ENTR1: variants seen among roughly 807,000 people sequenced by gnomAD.
ENTR1 encodes the protein endosome associated trafficking regulator 1.
Under a neutral mutation model 47.9 loss-of-function variants are expected in ENTR1, and 47 were observed. That is an observed-to-expected ratio of 0.98 (90% CI 0.78 to 1.25). The LOEUF (loss-of-function observed/expected upper bound fraction) is 1.25. Among genes scored for constraint, ENTR1 ranks in the 50% most tolerant of loss-of-function variants. The probability of loss-of-function intolerance (pLI) is 0.00; values close to 1 mark genes in which losing one functional copy is unlikely to be tolerated. For synonymous variants in ENTR1, 290 were observed against 245.8 expected, an observed-to-expected ratio of 1.18 and a Z score of -1.68; for missense variants, 668 against 570.5, an observed-to-expected ratio of 1.17 and a Z score of -1.74.
Position 136,402,878 on chromosome 9 carries a change from A to C in ENTR1, c.1218T>G (p.Val406=). The part of the protein sequence containing the change: ...NSAQASIKQL[V]SGAETLNLVA... ...CAAGATTCAGTGTCTCAGCTCCGGAAACCAGTTGCCTGAAAACAAGCATGG... is the reference window on the plus strand; with the variant it reads ...CAAGATTCAGTGTCTCAGCTCCGGACACCAGTTGCCTGAAAACAAGCATGG... The change falls in exon 10 of 10, where the codon GTT becomes GTG. Residue 406 remains valine (V), a synonymous_variant. Transcript: ENST00000357365. 1.2e-6 allele frequency: 2 copies of C among 1,612,056 alleles called. No individual in the cohort carries two copies. The highest frequency in any genetic ancestry group is 1.7e-6 in the Non-Finnish European group (2 of 1,179,624).
chr9:136,409,011 TC>T lies in ENTR1; in HGVS notation c.276del (p.Thr93HisfsTer23), dbSNP rs1834930100. 6.2e-7 allele frequency: 1 copy of T among 1,613,878 alleles called. No individual in the cohort carries two copies. The highest frequency in any genetic ancestry group is 2.2e-5 in the East Asian group (1 of 44,884). ...TGAACTACTCTACCTCCAAAATGTG[TC>T]CCGTGGGCTCCTGACGGGCTCTGCT... ...CSKQSPSGAH[G>X]THFGDDRFED... On this transcript the variant is annotated frameshift_variant, in exon 3 of 10. Coordinates refer to ENST00000357365, the MANE Select transcript of ENTR1 (RefSeq NM_001039707.2). LOFTEE classifies it high-confidence loss of function.
chr9:136,406,076 G>C, intron 5 of ENTR1, 98 bp from the exon 6 acceptor site: 1 of 804,522 alleles, frequency 1.2e-6, no homozygotes, highest in Non-Finnish European at 2.0e-6. Context: ...GATAAGCAGA[G>C]ATGCTGGGTC....
chr9:136,410,030 G>A, intron 2 of ENTR1, 60 bp downstream of exon 2: 6 of 1,588,826 alleles, frequency 3.8e-6, no homozygotes, highest in African/African-American at 1.3e-5. Context: ...CTGCAGCGGA[G>A]GTGCCACACG....
rs1001140211 is a variant in ENTR1, at chr9:136,405,464, G to A, written c.894-262C>T. 44 of 453,664 alleles carry A rather than the reference G, an allele frequency of 9.7e-5. No individual in the cohort carries two copies. In the East Asian group the frequency reaches 1.1e-3, roughly 11 times the overall value. The allele number at this position is 453,664 out of a possible 1,614,324, so 28.1% of individuals were successfully genotyped here. On this transcript the variant is annotated intron_variant, in intron 6 of 9. Coordinates refer to ENST00000357365, the MANE Select transcript of ENTR1 (RefSeq NM_001039707.2). ...AGTTTAAAATAAACCTTGGCCAGGC[G>A]CCGTGGCTCATGCCTATAATCCCAA... is the stretch of plus-strand genomic sequence containing the variant.
Position 136,408,435 on chromosome 9 carries a change from A to G in ENTR1, c.290-497T>C, listed in dbSNP as rs563424248. ...CTACTAAAAATACAAAAAATTAGCC[A>G]GGCGTGGTGGTGAGCGCCTGTAGTC... On this transcript the variant is annotated intron_variant, in intron 3 of 9. Coordinates refer to ENST00000357365, the MANE Select transcript of ENTR1 (RefSeq NM_001039707.2). Among the ~76,000 whole-genome samples, 174 of 152,070 alleles carry G rather than the reference A, an allele frequency of 1.1e-3. 3 individuals are homozygous for G. Among genetic ancestry groups the G allele is most frequent in the Middle Eastern group, 6.8e-3 (2 of 294 alleles).
chr9:136,404,162 T>C lies in ENTR1; in HGVS notation c.1101A>G (p.Glu367=), dbSNP rs754148167. The C allele has an allele frequency of 5.0e-6, 8 of 1,611,868 alleles. No individual in the cohort carries two copies. The highest frequency in any genetic ancestry group is 5.9e-6 in the Non-Finnish European group (7 of 1,179,198). The change falls in exon 9 of 10, where the codon GAA becomes GAG. Residue 367 remains glutamate, a synonymous_variant. Transcript: ENST00000357365. ...AQVSNFQREN[E]ALRCGQGASL... ...TGGCACCCTGGCCGCACCGCAGGGCTTCATTCTCTCGCTGGAAGTTGGAGA... is the reference window on the plus strand; with the variant it reads ...TGGCACCCTGGCCGCACCGCAGGGCCTCATTCTCTCGCTGGAAGTTGGAGA...
rs36076555 is a variant in ENTR1 at position 136,407,563 on chromosome 9, TAAAAAAAA to T, written c.403-10_403-3del. On this transcript the variant is annotated splice_polypyrimidine_tract_variant and splice_region_variant and intron_variant, in intron 4 of 9. Transcript: ENST00000357365. Reference sequence around the variant, plus strand: ...TCCCAGGGAATGCCTCGAGGCTTCCTAAAAAAAAAAAAAAAAAAAAAACAATGGAGGCC... The same window carrying T: ...TCCCAGGGAATGCCTCGAGGCTTCCTAAAAAAAAAAAAAACAATGGAGGCC... 3 of 1,319,388 alleles carry T rather than the reference TAAAAAAAA, an allele frequency of 2.3e-6. No homozygotes were observed. Among genetic ancestry groups the T allele is most frequent in the Non-Finnish European group, 2.0e-6 (2 of 1,024,106 alleles). The allele number at this position is 1,319,388 out of a possible 1,614,324, so 81.7% of individuals were successfully genotyped here. A position where few individuals can be genotyped will look rare whatever the true frequency, so the allele number is the denominator to read the frequency against.
Position 136,408,992 on chromosome 9 carries a change from A to T in ENTR1, c.289+7T>A. ...GACAAGAAGAAAAGGTTGCTGAACT[A>T]CTCTACCTCCAAAATGTGTCCCGTG... On this transcript the variant is annotated splice_region_variant and intron_variant, in intron 3 of 9. Coordinates refer to ENST00000357365, the MANE Select transcript of ENTR1 (RefSeq NM_001039707.2). The T allele has an allele frequency of 6.2e-7, 1 of 1,612,576 alleles. No homozygotes were observed. The highest frequency in any genetic ancestry group is 8.5e-7 in the Non-Finnish European group (1 of 1,179,182).
rs367975305 is a variant in ENTR1 at position 136,402,783 on chromosome 9, G to A, written c.*5C>T. The A allele has an allele frequency of 1.9e-6, 3 of 1,599,718 alleles. No homozygotes were observed. The highest frequency in any genetic ancestry group is 2.2e-5 in the East Asian group (1 of 44,796). On this transcript the variant is annotated 3_prime_UTR_variant, in exon 10 of 10. Transcript: ENST00000357365. ...GAGCTTCATGCTGAGAACACCCAGG[G>A]GTCCTCAAGAGTCTTCCTCCTCGTC...
intron 3 of ENTR1, 88 bp from the exon 4 acceptor site, chr9:136,408,026 GC>G: frequency 1.2e-6 from 1 of 838,836 alleles, no homozygotes; most frequent in Non-Finnish European, 2.0e-6. Context: ...CCAGAGCATG[GC>G]CACATGTGAG....
Position 136,404,112 on chromosome 9 carries a change from G to C in ENTR1, c.1151C>G (p.Ala384Gly). The C allele has an allele frequency of 1.2e-6, 2 of 1,613,400 alleles. No individual in the cohort carries two copies. Among genetic ancestry groups the C allele is most frequent in the Non-Finnish European group, 1.7e-6 (2 of 1,179,830 alleles). Residue 384 changes from alanine to glycine, a missense_variant, in exon 9 of 10, where the codon GCC (alanine) becomes GGC (glycine). Physicochemically the swap from Ala to Gly is moderately conservative, Grantham distance 60 (BLOSUM62 0). Transcript: ENST00000357365. Reference protein sequence around the residue: ...GASLTVVKQNADVALQNLRVV... With the variant: ...GASLTVVKQNGDVALQNLRVV... ...CCGGAGGTTCTGCAGGGCCACGTCG[G>C]CGTTCTGCTTCACCACGGTCAGGCT...
chr9:136,410,020 C>T (rs767104473), intron 2 of ENTR1, 70 bp downstream of exon 2: 1 of 1,561,374 alleles, frequency 6.4e-7, no homozygotes, highest in Non-Finnish European at 8.8e-7. Flanking sequence ...CGAGCTCGTG[C>T]TGCAGCGGAG....
At position 136,404,301 on chromosome 9, in the gene ENTR1, T is replaced by G. The variant is rs892329413; in HGVS notation, c.1069-107A>C. On this transcript the variant is annotated intron_variant, in intron 8 of 9. Coordinates refer to ENST00000357365, the MANE Select transcript of ENTR1 (RefSeq NM_001039707.2). ...ACCCGTGGGGGCCTGGCACTCAAGA[T>G]GCATGCTCTGGCCTAACTGGGGGCT... The G allele has an allele frequency of 5.5e-6, 8 of 1,455,526 alleles. No individual in the cohort carries two copies. The African/African-American group carries it at 1.1e-4, about 21-fold the overall frequency. The allele number at this position is 1,455,526 out of a possible 1,614,324, so 90.2% of individuals were successfully genotyped here.
rs557118308 is a variant in ENTR1, at chr9:136,410,568, C to G, written c.-171G>C. On this transcript the variant is annotated 5_prime_UTR_variant, in exon 1 of 10. Transcript: ENST00000357365. Reference sequence around the variant, plus strand: ...CTCTCGCCGCTGCTTCCGCTCCGAGCACCGAAAGCGCGTGCCTGAACGCCT... The same window carrying G: ...CTCTCGCCGCTGCTTCCGCTCCGAGGACCGAAAGCGCGTGCCTGAACGCCT... 3 of 1,162,580 alleles carry G rather than the reference C, an allele frequency of 2.6e-6. No individual in the cohort carries two copies. Among genetic ancestry groups the G allele is most frequent in the Non-Finnish European group, 3.3e-6 (3 of 920,764 alleles). 72.0% of individuals were successfully genotyped at this position (1,162,580 alleles called of 1,614,324 possible).
rs1220717838 is a variant in ENTR1, at chr9:136,405,917, G to A, written c.881C>T (p.Ala294Val). ...AAAGCTTACATACATTTCTGTTTGA[G>A]CTTCAGAGAAGCTCTGAACCTCATT... is the stretch of plus-strand genomic sequence containing the variant. ...KLNEVQSFSE[A>V]QTEMVRTLER... The change falls in exon 6 of 10, where the codon GCT becomes GTT. Residue 294 changes from alanine (A) to valine (V), a missense_variant. Ala to Val is a moderately conservative substitution (Grantham distance 64). Coordinates refer to ENST00000357365, the MANE Select transcript of ENTR1 (RefSeq NM_001039707.2). The A allele has an allele frequency of 1.9e-6, 3 of 1,596,800 alleles. No homozygotes were observed. Among genetic ancestry groups the A allele is most frequent in the Non-Finnish European group, 2.6e-6 (3 of 1,171,550 alleles).
rs749670926 is a variant in ENTR1 at position 136,407,447 on chromosome 9, G to C, written c.517C>G (p.Leu173Val). 3.7e-6 allele frequency: 6 copies of C among 1,611,008 alleles called. No homozygotes were observed. The highest frequency in any genetic ancestry group is 5.1e-6 in the Non-Finnish European group (6 of 1,179,826). ...TCCTCATCCTCCTCCTCATCCAGGA[G>C]GTCACCAGCCCCTGTCGGATCCTCG... The part of the protein sequence containing the change: ...FFEDPTGAGD[L>V]LDEEEDEDTG... The change falls in exon 5 of 10, where the codon CTC becomes GTC. Residue 173 changes from leucine to valine, a missense_variant. By Grantham distance (32) the Leu-to-Val change is conservative (BLOSUM62 1). Transcript: ENST00000357365.
In ENTR1 at chr9:136,410,108, C is replaced by T. The variant is rs377569151; in HGVS notation, c.202G>A (p.Ala68Thr). The part of the protein sequence containing the change: ...FMCYVPSPVL[A>T]SVGDTDFGYG... Reference sequence around the variant, plus strand: ...CTCTCACCTGTGTCTCCCACGGAAGCCAGCACCGGGCTGGGCACATAGCAC... The same window carrying T: ...CTCTCACCTGTGTCTCCCACGGAAGTCAGCACCGGGCTGGGCACATAGCAC... Residue 68 changes from alanine (A) to threonine (T), a missense_variant, in exon 2 of 10, where the codon GCT becomes ACT. Ala to Thr is a moderately conservative substitution (Grantham distance 58, BLOSUM62 0). Transcript: ENST00000357365. 7 of 1,612,848 alleles carry T rather than the reference C, an allele frequency of 4.3e-6. No individual in the cohort carries two copies. Among genetic ancestry groups the T allele is most frequent in the Non-Finnish European group, 5.9e-6 (7 of 1,179,926 alleles).
chr9:136,406,677 A>G (rs1026009721), intron 5 of ENTR1, among the ~76,000 whole-genome samples: 6 of 145,650 alleles, frequency 4.1e-5, no homozygotes, highest in Admixed American at 7.1e-5. Flanking sequence ...GGGTTTCACC[A>G]TGTTGGCCAG....
At chr9:136,405,046 C>T (rs746681154) in intron 7 of ENTR1, 45 bp downstream of exon 7, 5 of 1,501,670 alleles carry the variant, frequency 3.3e-6, no homozygotes, top group Non-Finnish European at 4.6e-6. Context: ...CTCAGGAGCG[C>T]TCCTGCCCCA....
Sources: allele counts gnomAD v4.1 joint callset (sites outside exome capture counted in the v4.1 genomes callset), GRCh38; gene constraint gnomAD v4.1.1; transcripts MANE v1.5; gene names NCBI Gene and HGNC (gene_info 2026-07-23, HGNC 2026-07-21).